Variants in GRID1 observed in about 807,000 individuals in gnomAD.
The protein encoded by GRID1 is glutamate ionotropic receptor delta type subunit 1.
A neutral mutation model predicts 98.0 loss-of-function variants in GRID1; 28 were observed. The observed-to-expected ratio is 0.29, with a 90% CI of 0.21 to 0.39. The LOEUF is 0.39. Among genes scored for constraint, GRID1 ranks in the 10% least tolerant of loss-of-function variants. GRID1 has a pLI of 1.00. For synonymous variants in GRID1, 553 were observed against 538.5 expected, an observed-to-expected ratio of 1.03 and a Z score of -0.37; for missense variants, 1,111 against 1,340.5, an observed-to-expected ratio of 0.83 and a Z score of 2.67.
At chr10:86,358,158 C>T (rs1848557567) in intron 2 of GRID1, among the ~76,000 whole-genome samples, 1 of 152,178 alleles carries the variant, frequency 6.6e-6, no homozygotes. Flanking sequence ...CAGTGTGATG[C>T]TTCCAGGGTG....
chr10:85,804,602 C>T (rs1380264577), intron 8 of GRID1, among the ~76,000 whole-genome samples: 1 of 151,714 alleles, frequency 6.6e-6, no homozygotes, highest in Non-Finnish European at 1.5e-5. Context: ...ATCTAATTCA[C>T]TTATATATAA....
chr10:85,693,744 G>A lies in GRID1; in HGVS notation c.1997+29259C>T, dbSNP rs931805167. ...ATTGGATTGCCATATGCAAAAGAAT[G>A]AAGTTGGACCCTTATCTTTCACCAT... On this transcript the variant is annotated intron_variant, in intron 12 of 15. Transcript: ENST00000327946. Among the ~76,000 whole-genome samples, 33 of 152,198 alleles carry A rather than the reference G, an allele frequency of 2.2e-4. 1 individual carries two copies. The highest frequency in any genetic ancestry group is 8.0e-4 in the African/African-American group (33 of 41,460).
chr10:85,624,687 A>G (rs1842891103), intron 13 of GRID1, among the ~76,000 whole-genome samples: 1 of 152,206 alleles, frequency 6.6e-6, no homozygotes, highest in Non-Finnish European at 1.5e-5. Flanking sequence ...TGTGAAAAAA[A>G]TGTGCGTAAT....
Position 86,051,939 on chromosome 10 carries a change from T to TGGA in GRID1, c.726+86879_726+86880insTCC, listed in dbSNP as rs1843508279. Among the ~76,000 whole-genome samples the TGGA allele has an allele frequency of 2.0e-5, 3 of 152,354 alleles. No homozygotes were observed. In the East Asian group the frequency reaches 5.8e-4, roughly 29 times the overall value. ...CACTCTGCAATTCCATTTTTATGTATTTATCTTTATAGATACACTTGCAAA... is the reference window on the plus strand; with the variant it reads ...CACTCTGCAATTCCATTTTTATGTATGGATTATCTTTATAGATACACTTGCAAA... On this transcript the variant is annotated intron_variant, in intron 4 of 15. Coordinates refer to ENST00000327946, the MANE Select transcript of GRID1 (RefSeq NM_017551.3).
At chr10:85,726,488 T>C (rs1312322496) in intron 10 of GRID1, among the ~76,000 whole-genome samples, 1 of 152,054 alleles carries the variant, frequency 6.6e-6, no homozygotes, top group African/African-American at 2.4e-5. Flanking sequence ...GGATAGATAA[T>C]AGAATCCATT....
At chr10:85,956,453 T>G (rs1320998283) in intron 4 of GRID1, among the ~76,000 whole-genome samples, 1 of 152,174 alleles carries the variant, frequency 6.6e-6, no homozygotes, top group African/African-American at 2.4e-5. Flanking sequence ...TTCAAAGAGG[T>G]GAGTTACATA....
intron 4 of GRID1, among the ~76,000 whole-genome samples, chr10:85,958,767 G>C (rs1359501896): frequency 6.6e-6 from 1 of 151,908 alleles, no homozygotes; most frequent in East Asian, 1.9e-4. Flanking sequence ...AGAGCAGCCT[G>C]ACCAACATGG....
intron 4 of GRID1, among the ~76,000 whole-genome samples, chr10:85,921,420 T>A (rs1260016553): frequency 2.0e-5 from 3 of 152,170 alleles, no homozygotes; most frequent in African/African-American, 7.2e-5. Context: ...AGGTGCCTTT[T>A]CCCAGTGACA....
At chr10:85,931,089 C>T (rs1334320562) in intron 4 of GRID1, among the ~76,000 whole-genome samples, 2 of 152,144 alleles carry the variant, frequency 1.3e-5, no homozygotes, top group African/African-American at 2.4e-5. Context: ...GCCTTAGCCT[C>T]CCAAAGTGCT....
chr10:86,079,697 T>C (rs1843937167), intron 4 of GRID1, among the ~76,000 whole-genome samples: 1 of 152,118 alleles, frequency 6.6e-6, no homozygotes, highest in Non-Finnish European at 1.5e-5. Flanking sequence ...CTGTCCATGG[T>C]GATAAAAAGC....
At chr10:85,694,410 C>T (rs1841365776) in intron 12 of GRID1, among the ~76,000 whole-genome samples, 1 of 151,644 alleles carries the variant, frequency 6.6e-6, no homozygotes, top group Non-Finnish European at 1.5e-5. Context: ...TTTGATCCCA[C>T]TACTGAATAT....
intron 2 of GRID1, among the ~76,000 whole-genome samples, chr10:86,308,852 C>T (rs910324508): frequency 6.6e-6 from 1 of 152,104 alleles, no homozygotes; most frequent in African/African-American, 2.4e-5. Flanking sequence ...ACAACTCACT[C>T]TCAATAATGA....
intron 4 of GRID1, among the ~76,000 whole-genome samples, chr10:86,039,811 C>T (rs942256941): frequency 1.3e-5 from 2 of 152,212 alleles, no homozygotes; most frequent in Non-Finnish European, 2.9e-5. Context: ...AAAATAGAGA[C>T]GTTTCTCTCT....
intron 2 of GRID1, among the ~76,000 whole-genome samples, chr10:86,299,123 C>G (rs1410157995): frequency 6.6e-6 from 1 of 151,882 alleles, no homozygotes. Context: ...ACGTCACATA[C>G]AACCAATCCT....
In GRID1 at chr10:85,723,005, T is replaced by C; in HGVS notation, c.1995A>G (p.Ile665Met). 1 of 1,608,872 alleles carries C rather than the reference T, an allele frequency of 6.2e-7. No homozygotes were observed. Among genetic ancestry groups the C allele is most frequent in the Non-Finnish European group, 8.5e-7 (1 of 1,177,540 alleles). The change falls in exon 12 of 16, where the codon ATA becomes ATG. Residue 665 changes from isoleucine (I) to methionine (M), a missense_variant and splice_region_variant. Ile to Met is a conservative substitution (Grantham distance 10). Around this residue, in one of 3 missense-constraint regions of GRID1, gnomAD observed 762 missense variants for 869.1 expected, o/e 0.88. Transcript: ENST00000327946. ...AGATCAAGGAGGAATAGGCTTACCTTATGGGGTTGTCCATCCTGGACACTG... is the reference window on the plus strand; with the variant it reads ...AGATCAAGGAGGAATAGGCTTACCTCATGGGGTTGTCCATCCTGGACACTG... ...FLTVSRMDNP[I>M]RTFQDLSKQV...
intron 2 of GRID1, among the ~76,000 whole-genome samples, chr10:86,268,280 GC>G (rs1346618975): frequency 6.6e-6 from 1 of 152,224 alleles, no homozygotes. Context: ...CGTGTGATAA[GC>G]ATTTCTTCCC....
intron 13 of GRID1, among the ~76,000 whole-genome samples, chr10:85,632,598 T>C (rs974669481): frequency 3.3e-5 from 5 of 152,188 alleles, no homozygotes; most frequent in African/African-American, 9.6e-5. Flanking sequence ...AGATGGAGTC[T>C]TGCTCTGCTG....
chr10:85,884,188 T>G (rs1048342453), intron 5 of GRID1, among the ~76,000 whole-genome samples: 3 of 152,206 alleles, frequency 2.0e-5, no homozygotes, highest in African/African-American at 7.2e-5. Context: ...AAATGTATTA[T>G]ATCTGGCTTT....
intron 4 of GRID1, among the ~76,000 whole-genome samples, chr10:86,103,310 T>A (rs928757633): frequency 1.3e-5 from 2 of 152,178 alleles, no homozygotes; most frequent in African/African-American, 4.8e-5. Flanking sequence ...GCTGACCTCC[T>A]GGGGCCAGAG....
Sources: allele counts gnomAD v4.1 joint callset (sites outside exome capture counted in the v4.1 genomes callset), GRCh38; gene constraint gnomAD v4.1.1; regional missense constraint gnomAD v4.1.1; transcripts MANE v1.5; gene names NCBI Gene and HGNC (gene_info 2026-07-23, HGNC 2026-07-21).